Variants in SMARCA2 observed in about 807,000 individuals in gnomAD.
SMARCA2 encodes SWI/SNF-related matrix-associated actin-dependent regulator of chromatin subfamily A member 2.
SMARCA2 carries 61 observed loss-of-function variants against 199.8 expected under a neutral mutation model. The observed-to-expected ratio is 0.31, with a 90% confidence interval of 0.25 to 0.38. The LOEUF (loss-of-function observed/expected upper bound fraction) is 0.38, where lower values mean the gene tolerates loss of function less well. Among genes scored for constraint, SMARCA2 ranks in the 10% least tolerant of loss-of-function variants. SMARCA2 has a pLI of 1.00. For missense variants in SMARCA2, 1,344 were observed against 2,012.2 expected, an observed-to-expected ratio of 0.67 and a Z score of 6.35; for synonymous variants, 935 against 732.0, an observed-to-expected ratio of 1.28 and a Z score of -4.48.
In SMARCA2 at chr9:2,077,508, G is replaced by C. The variant is rs1821379416; in HGVS notation, c.2037-121G>C. On this transcript the variant is annotated intron_variant, in intron 13 of 33. Coordinates refer to ENST00000349721, the MANE Select transcript of SMARCA2 (RefSeq NM_003070.5). ...TATATTAACTGCATGGCAAGTCGTG[G>C]TTGATAAATAAAACACACTTATTGC... The C allele has an allele frequency of 9.7e-6, 9 of 930,876 alleles. No individual in the cohort carries two copies. The East Asian group carries it at 2.2e-4, about 23-fold the overall frequency. 57.7% of individuals were successfully genotyped at this position (930,876 alleles called of 1,614,324 possible). A position where few individuals can be genotyped will look rare whatever the true frequency, so the allele number is the denominator to read the frequency against.
rs778051219 is a variant in SMARCA2 at position 2,077,726 on chromosome 9, G to T, written c.2134G>T (p.Val712Leu). Residue 712 changes from valine to leucine, a missense_variant, in exon 14 of 34, where the codon GTG becomes TTG. Transcript: ENST00000349721. ...CGTGGCTCATGCCATCTCGGAGAGG[G>T]TGGAGAAACAGTCTGCCCTCCTAAT... Reference protein sequence around the residue: ...YTVAHAISERVEKQSALLING... With the variant: ...YTVAHAISERLEKQSALLING... 9 of 1,613,890 alleles carry T rather than the reference G, an allele frequency of 5.6e-6. No homozygotes were observed. The highest frequency in any genetic ancestry group is 6.8e-6 in the Non-Finnish European group (8 of 1,179,934).
At chr9:2,192,648 C>A (rs1426864320) in intron 33 of SMARCA2, 56 bp from the exon 34 acceptor site, 6 of 1,225,216 alleles carry the variant, frequency 4.9e-6, no homozygotes, top group Admixed American at 3.4e-5. Context: ...GTTGTTATAT[C>A]TTCTTTTTCT....
chr9:2,042,534 A>G (rs1332357522), intron 4 of SMARCA2: 1 of 152,240 alleles, frequency 6.6e-6, no homozygotes, highest in African/African-American at 2.4e-5. Flanking sequence ...GTAACTGAAC[A>G]CAGTAGTAAA....
intron 5 of SMARCA2, among the ~76,000 whole-genome samples, chr9:2,048,714 T>A (rs1286411800): frequency 6.6e-6 from 1 of 152,226 alleles, no homozygotes; most frequent in Admixed American, 6.5e-5. Context: ...CTATTAATAA[T>A]CATCTGTTAA....
chr9:2,066,655 C>G (rs1377871618), intron 9 of SMARCA2, among the ~76,000 whole-genome samples: 3 of 152,128 alleles, frequency 2.0e-5, no homozygotes, highest in Admixed American at 6.5e-5. Context: ...AGGAAGAAGC[C>G]AGTACAAAGT....
intron 27 of SMARCA2, among the ~76,000 whole-genome samples, chr9:2,130,533 C>G (rs1371588745): frequency 2.6e-5 from 4 of 152,202 alleles, no homozygotes; most frequent in African/African-American, 9.7e-5. Context: ...CTCTCCCGAA[C>G]AAGGGATGGT....
At position 2,136,492 on chromosome 9, in the gene SMARCA2, C is replaced by T. The variant is rs945280929; in HGVS notation, c.3981+12555C>T. 6.6e-5 allele frequency among the ~76,000 whole-genome samples: 10 copies of T among 152,194 alleles called. No individual in the cohort carries two copies. The East Asian group carries it at 1.5e-3, about 24-fold the overall frequency. On this transcript the variant is annotated intron_variant, in intron 27 of 33. Coordinates refer to ENST00000349721, the MANE Select transcript of SMARCA2 (RefSeq NM_003070.5). ...CGTGAACACTGTGCCTGGCCTATTC[C>T]CTGCTTTCTCATCTTACATAAATGT...
rs61736900 is a variant in SMARCA2 at position 2,039,572 on chromosome 9, G to A, written c.462G>A (p.Gly154=). 2,742 of 1,614,126 alleles carry A rather than the reference G, an allele frequency of 1.7e-3. 40 individuals are homozygous for A. In the African/African-American group the frequency reaches 0.031, roughly 18 times the overall value. ...CTCAGATGCCACCAAGCCAGCCGGGGGCCCTCATCCCAGGTGATCCGCAGG... is the reference window on the plus strand; with the variant it reads ...CTCAGATGCCACCAAGCCAGCCGGGAGCCCTCATCCCAGGTGATCCGCAGG... ...TPPQMPPSQP[G]ALIPGDPQAM... The change falls in exon 4 of 34, where the codon GGG becomes GGA. Residue 154 remains glycine (G), a synonymous_variant. Coordinates refer to ENST00000349721, the MANE Select transcript of SMARCA2 (RefSeq NM_003070.5). This position sits in a 1 kb window ranked among gnomAD's most constrained non-coding sequence, Gnocchi z 4.8.
At chr9:2,148,514 A>C (rs947225829) in intron 27 of SMARCA2, among the ~76,000 whole-genome samples, 2 of 151,172 alleles carry the variant, frequency 1.3e-5, no homozygotes, top group Admixed American at 6.6e-5. Flanking sequence ...ATTATACTTT[A>C]AGTTTTAGGG....
In SMARCA2 at chr9:2,104,219, G is replaced by A; in HGVS notation, c.3292+50G>A. The A allele has an allele frequency of 6.6e-7, 1 of 1,516,534 alleles. No individual in the cohort carries two copies. The highest frequency in any genetic ancestry group is 9.1e-7 in the Non-Finnish European group (1 of 1,102,418). The allele number at this position is 1,516,534 out of a possible 1,614,324, so 93.9% of individuals were successfully genotyped here. On this transcript the variant is annotated intron_variant, in intron 23 of 33. Transcript: ENST00000349721. This position sits in a 1 kb window ranked among gnomAD's most constrained non-coding sequence, Gnocchi z 4.0. Reference sequence around the variant, plus strand: ...GGAAGCCATACTACTGAAAATGAAGGGATAATGGGCACTTAGGTCCAATCT... The same window carrying A: ...GGAAGCCATACTACTGAAAATGAAGAGATAATGGGCACTTAGGTCCAATCT...
At chr9:2,093,553 T>C (rs1420762088) in intron 19 of SMARCA2, among the ~76,000 whole-genome samples, 1 of 152,202 alleles carries the variant, frequency 6.6e-6, no homozygotes, top group Admixed American at 6.5e-5. Context: ...GGTGAGGCCT[T>C]ATGGGTTTCC....
intron 22 of SMARCA2, 64 bp downstream of exon 22, chr9:2,101,680 C>A: frequency 2.5e-6 from 2 of 807,164 alleles, no homozygotes; most frequent in Non-Finnish European, 4.2e-6. Context: ...AACTCCTCCT[C>A]TCTACAGTGT....
intron 31 of SMARCA2, among the ~76,000 whole-genome samples, chr9:2,184,290 G>A (rs1827268214): frequency 6.6e-6 from 1 of 151,722 alleles, no homozygotes; most frequent in African/African-American, 2.4e-5. Context: ...ATACAGTACA[G>A]AGAGATTCTG....
intron 8 of SMARCA2, among the ~76,000 whole-genome samples, chr9:2,059,336 A>AT (rs1440502915): frequency 3.3e-5 from 5 of 151,926 alleles, no homozygotes; most frequent in African/African-American, 1.2e-4. Flanking sequence ...CATTTTTTTC[A>AT]TTTTTTGGAT....
At chr9:2,057,181 T>C (rs997597854) in intron 7 of SMARCA2, among the ~76,000 whole-genome samples, 3 of 152,230 alleles carry the variant, frequency 2.0e-5, no homozygotes, top group African/African-American at 4.8e-5. Flanking sequence ...TTCTGGAGGC[T>C]GGAAGCCTGA....
chr9:2,182,918 G>A (rs1345413499), intron 31 of SMARCA2, among the ~76,000 whole-genome samples: 2 of 151,924 alleles, frequency 1.3e-5, no homozygotes, highest in Non-Finnish European at 1.5e-5. Flanking sequence ...AGCCTCCTGA[G>A]TAGCTGGGAT....
intron 27 of SMARCA2, among the ~76,000 whole-genome samples, chr9:2,129,876 C>G (rs1380730508): frequency 6.6e-6 from 1 of 152,120 alleles, no homozygotes; most frequent in Non-Finnish European, 1.5e-5. Context: ...TTTTTTGAGG[C>G]AGGATCTCAC....
intron 4 of SMARCA2, chr9:2,042,403 A>G (rs956418606): frequency 1.3e-5 from 2 of 152,224 alleles, no homozygotes; most frequent in African/African-American, 2.4e-5. Context: ...GACATCACCA[A>G]GCATTGGTAT....
rs981063524 is a variant in SMARCA2, at chr9:2,192,542, C to T, written c.4738-162C>T. On this transcript the variant is annotated intron_variant, in intron 33 of 33. Transcript: ENST00000349721. ...AAAAACTTCTCAGCTTAGAGACTGT[C>T]GATGCCTCTTTAATGTGTTTCTGTC... The T allele has an allele frequency of 9.3e-5, 63 of 679,652 alleles. No homozygotes were observed. The African/African-American group carries it at 9.6e-4, about 10-fold the overall frequency. 42.1% of individuals were successfully genotyped at this position (679,652 alleles called of 1,614,324 possible). A position where few individuals can be genotyped will look rare whatever the true frequency, so the allele number is the denominator to read the frequency against.
Sources: allele counts gnomAD v4.1 joint callset (sites outside exome capture counted in the v4.1 genomes callset), GRCh38; gene constraint gnomAD v4.1.1; non-coding constraint Gnocchi (gnomAD v3.1); transcripts MANE v1.5; gene names NCBI Gene and HGNC (gene_info 2026-07-23, HGNC 2026-07-21).